E2F3: variants seen among roughly 807,000 people sequenced by gnomAD.
The protein encoded by E2F3 is transcription factor E2F3.
A neutral mutation model predicts 44.4 loss-of-function variants in E2F3; 11 were observed. The observed-to-expected ratio is 0.25, with a 90% confidence interval of 0.16 to 0.41. The LOEUF is 0.41. Ranked by LOEUF, E2F3 falls within the 10% of genes least tolerant of loss-of-function variation. The pLI, the probability that E2F3 is intolerant of heterozygous loss-of-function variation, is 1.00. For synonymous variants in E2F3, 249 were observed against 253.0 expected (o/e 0.98, Z 0.15); for missense variants, 487 against 583.6 (o/e 0.83, Z 1.70).
rs758812635 is a variant in E2F3 at position 20,479,972 on chromosome 6, A to G, written c.505+15A>G. On this transcript the variant is annotated intron_variant, in intron 2 of 6. Transcript: ENST00000346618. ...TAGTCCAAAAAGTAAGGATCTTTTC[A>G]TCTCTTTCCTTATTCTCCTTGGTAT... 20 of 1,590,802 alleles carry G rather than the reference A, an allele frequency of 1.3e-5. No homozygotes were observed. The highest frequency in any genetic ancestry group is 7.0e-5 in the Admixed American group (4 of 57,036).
At chr6:20,486,334 G>A (rs3763276) in intron 4 of E2F3, among the ~76,000 whole-genome samples, 49,683 of 152,086 alleles carry the variant, frequency 0.33, 9,331 homozygotes, top group East Asian at 0.59. Flanking sequence ...GTGCAGTGGC[G>A]CGATCTCGTC....
intron 1 of E2F3, among the ~76,000 whole-genome samples, chr6:20,443,604 G>T: frequency 6.6e-6 from 1 of 152,110 alleles, no homozygotes; most frequent in East Asian, 1.9e-4. Flanking sequence ...GCATGGTGGT[G>T]CACGCCTGTA....
At chr6:20,449,493 A>G (rs1455439656) in intron 1 of E2F3, among the ~76,000 whole-genome samples, 1 of 152,238 alleles carries the variant, frequency 6.6e-6, no homozygotes, top group East Asian at 1.9e-4. Context: ...AGTTGCAGTG[A>G]ATAACCTTGT....
Position 20,491,848 on chromosome 6 carries a change from C to T in E2F3, c.*1418C>T, listed in dbSNP as rs1292375880. On this transcript the variant is annotated 3_prime_UTR_variant, in exon 7 of 7. Transcript: ENST00000346618. ...AGCAAAACAATGCCAGGGTGTCTCC[C>T]GCTTTACTCTTCAGGAATGGTGTCC... 1.1e-5 allele frequency: 2 copies of T among 179,348 alleles called. No homozygotes were observed. The highest frequency in any genetic ancestry group is 2.4e-5 in the African/African-American group (1 of 42,260). 11.1% of individuals were successfully genotyped at this position (179,348 alleles called of 1,614,324 possible). A position where few individuals can be genotyped will look rare whatever the true frequency, so the allele number is the denominator to read the frequency against.
intron 1 of E2F3, among the ~76,000 whole-genome samples, chr6:20,436,492 G>GAA (rs1760586538): frequency 5.2e-5 from 7 of 135,792 alleles, no homozygotes; most frequent in African/African-American, 1.8e-4. Context: ...GAGAGAGAGA[G>GAA]AGAAAAATTT....
At chr6:20,416,295 C>G (rs1383129535) in intron 1 of E2F3, among the ~76,000 whole-genome samples, 4 of 152,148 alleles carry the variant, frequency 2.6e-5, no homozygotes, top group Admixed American at 2.6e-4. Flanking sequence ...CCACGCTGGC[C>G]CCAGTTTCAA....
At chr6:20,480,389 A>G (rs952795922) in intron 2 of E2F3, among the ~76,000 whole-genome samples, 2 of 152,242 alleles carry the variant, frequency 1.3e-5, no homozygotes, top group African/African-American at 4.8e-5. Context: ...GATAAATTGC[A>G]GGCTGTTTCT....
intron 1 of E2F3, among the ~76,000 whole-genome samples, chr6:20,460,563 A>C (rs549295057): frequency 7.2e-5 from 11 of 152,320 alleles, no homozygotes; most frequent in African/African-American, 2.6e-4. Flanking sequence ...AATGAACAAT[A>C]GTCATTTAGA....
intron 1 of E2F3, among the ~76,000 whole-genome samples, chr6:20,403,185 C>G (rs1413774583): frequency 7.6e-6 from 1 of 131,110 alleles, no homozygotes; most frequent in African/African-American, 2.9e-5. Flanking sequence ...CTGTAACTCC[C>G]GGCAACAAAG....
In E2F3 at chr6:20,490,339, T is replaced by C. The variant is rs1762520785; in HGVS notation, c.1307T>C (p.Leu436Pro). The C allele has an allele frequency of 1.2e-6, 2 of 1,613,714 alleles. No individual in the cohort carries two copies. The highest frequency in any genetic ancestry group is 1.7e-6 in the Non-Finnish European group (2 of 1,179,898). ...CCCCTGCTGCAAGAGGACTATCTCC[T>C]GAGCCTCGGGGAGGAGGAAGGCATC... is the stretch of plus-strand genomic sequence containing the variant. Reference protein sequence around the residue: ...LPPLLQEDYLLSLGEEEGISD... With the variant: ...LPPLLQEDYLPSLGEEEGISD... Residue 436 changes from leucine (L) to proline (P), a missense_variant, in exon 7 of 7, where the codon CTG becomes CCG. This residue lies in a region of E2F3 where 220 missense variants were observed against 261.7 expected (regional missense o/e 0.84). Transcript: ENST00000346618. This position sits in a 1 kb window ranked among gnomAD's most constrained non-coding sequence, Gnocchi z 4.3.
rs1482143400 is a variant in E2F3 at position 20,491,470 on chromosome 6, C to T, written c.*1040C>T. 1 of 222,684 alleles carries T rather than the reference C, an allele frequency of 4.5e-6. No individual in the cohort carries two copies. Among genetic ancestry groups the T allele is most frequent in the Non-Finnish European group, 9.0e-6 (1 of 111,208 alleles). 13.8% of individuals were successfully genotyped at this position (222,684 alleles called of 1,614,324 possible). A position where few individuals can be genotyped will look rare whatever the true frequency, so the allele number is the denominator to read the frequency against. On this transcript the variant is annotated 3_prime_UTR_variant, in exon 7 of 7. Coordinates refer to ENST00000346618, the MANE Select transcript of E2F3 (RefSeq NM_001949.5). ...AGGGGGAGCTTGGAGCGAGTCAGTC[C>T]TGGGGCTTGCTGACATGGGTGGCCC...
At chr6:20,476,501 C>T (rs1762050388) in intron 1 of E2F3, among the ~76,000 whole-genome samples, 1 of 152,226 alleles carries the variant, frequency 6.6e-6, no homozygotes, top group South Asian at 2.1e-4. Flanking sequence ...TCTCAGACCC[C>T]TCTCTCTCCT....
intron 1 of E2F3, among the ~76,000 whole-genome samples, chr6:20,429,660 T>C (rs1163412754): frequency 6.6e-6 from 1 of 151,940 alleles, no homozygotes; most frequent in Non-Finnish European, 1.5e-5. Flanking sequence ...CTGCATAGTT[T>C]GAGATATGTA....
At chr6:20,453,975 C>T (rs1761226973) in intron 1 of E2F3, among the ~76,000 whole-genome samples, 1 of 152,232 alleles carries the variant, frequency 6.6e-6, no homozygotes, top group Admixed American at 6.5e-5. Flanking sequence ...TAACAACCCA[C>T]CTGCTTGTTT....
At chr6:20,486,834 A>G (rs1377664032) in intron 5 of E2F3, 31 bp downstream of exon 5, 2 of 1,435,182 alleles carry the variant, frequency 1.4e-6, no homozygotes, top group Admixed American at 1.9e-5. Flanking sequence ...TTCATCTGCA[A>G]AGATCTTTGT....
intron 1 of E2F3, among the ~76,000 whole-genome samples, chr6:20,424,257 G>C (rs1760131893): frequency 8.6e-6 from 1 of 116,220 alleles, no homozygotes; most frequent in Admixed American, 8.8e-5. Flanking sequence ...GTGTTTTAAA[G>C]GTGTGACTTT....
intron 1 of E2F3, among the ~76,000 whole-genome samples, chr6:20,472,171 T>C (rs1004277879): frequency 6.6e-6 from 1 of 151,906 alleles, no homozygotes; most frequent in African/African-American, 2.4e-5. Flanking sequence ...AATAAATAAG[T>C]CAATTTGACT....
intron 1 of E2F3, among the ~76,000 whole-genome samples, chr6:20,437,153 A>G (rs545143642): frequency 7.2e-5 from 11 of 152,314 alleles, no homozygotes; most frequent in African/African-American, 2.6e-4. Flanking sequence ...CATTATTCCC[A>G]GGTGGAGTGT....
chr6:20,480,702 T>C (rs1206480975), intron 2 of E2F3, among the ~76,000 whole-genome samples: 2 of 152,092 alleles, frequency 1.3e-5, no homozygotes, highest in Non-Finnish European at 2.9e-5. Flanking sequence ...AATGAAGCAT[T>C]GTTTGGAAAA....
Sources: allele counts gnomAD v4.1 joint callset (sites outside exome capture counted in the v4.1 genomes callset), GRCh38; gene constraint gnomAD v4.1.1; regional missense constraint gnomAD v4.1.1; non-coding constraint Gnocchi (gnomAD v3.1); transcripts MANE v1.5; gene names NCBI Gene and HGNC (gene_info 2026-07-23, HGNC 2026-07-21).